Variants in MLIP observed in about 807,000 individuals in gnomAD.
MLIP encodes muscular LMNA interacting protein, also known as muscular LMNA-interacting protein.
In MLIP, 79 loss-of-function variants were observed where a neutral mutation model predicts 84.8. The observed-to-expected ratio is 0.93, with a 90% CI of 0.78 to 1.12. MLIP has a LOEUF of 1.12. MLIP is among the 50% of genes most tolerant of loss of function. The pLI, the probability that MLIP is intolerant of heterozygous loss-of-function variation, is 0.00. For missense variants in MLIP, 1,257 were observed against 1,160.6 expected (o/e 1.08, Z -1.21); for synonymous variants, 504 against 463.0 (o/e 1.09, Z -1.14).
chr6:54,172,094 T>G (rs762001935), intron 9 of MLIP, among the ~76,000 whole-genome samples: 13 of 151,562 alleles, frequency 8.6e-5, no homozygotes, highest in Non-Finnish European at 1.5e-4. Flanking sequence ...AAAAAAAGTT[T>G]TGTTACACTT....
intron 1 of MLIP, among the ~76,000 whole-genome samples, chr6:54,050,503 T>G (rs1765314971): frequency 6.6e-6 from 1 of 152,178 alleles, no homozygotes. Flanking sequence ...CAATGTTAAT[T>G]TGTCTGGATA....
At chr6:54,027,603 T>C (rs17555505) in intron 1 of MLIP, among the ~76,000 whole-genome samples, 55,278 of 152,080 alleles carry the variant, frequency 0.36, 11,088 homozygotes, top group Middle Eastern at 0.56. Flanking sequence ...CGCACAAGTA[T>C]TGCCAAACTC....
At chr6:54,151,866 T>C (rs1170861926) in intron 5 of MLIP, among the ~76,000 whole-genome samples, 2 of 152,172 alleles carry the variant, frequency 1.3e-5, no homozygotes, top group African/African-American at 4.8e-5. Flanking sequence ...TGCAATGAGA[T>C]GTTAAGCTCT....
At chr6:54,215,456 AGTGCTTTC>A in intron 11 of MLIP, 1 of 1,152,978 alleles carries the variant, frequency 8.7e-7, no homozygotes, top group Non-Finnish European at 1.1e-6. Context: ...ATTTTTTCCA[AGTGCTTTC>A]ATCTTTATTG....
At chr6:54,063,351 T>C (rs895891793) in intron 1 of MLIP, 1 of 152,170 alleles carries the variant, frequency 6.6e-6, no homozygotes, top group East Asian at 1.9e-4. Context: ...CACCAGTGTG[T>C]GTGTGTTGGT....
chr6:54,027,392 C>T (rs1319622090), intron 1 of MLIP, among the ~76,000 whole-genome samples: 2 of 112,664 alleles, frequency 1.8e-5, no homozygotes, highest in Non-Finnish European at 4.5e-5. Context: ...CACACACACA[C>T]ACACACACAC....
chr6:54,063,532 G>C (rs1052951560), intron 1 of MLIP, among the ~76,000 whole-genome samples: 2 of 152,106 alleles, frequency 1.3e-5, no homozygotes, highest in African/African-American at 4.8e-5. Flanking sequence ...TAATTTTCTT[G>C]CTTATCCTTT....
Position 54,137,503 on chromosome 6 carries a change from AG to A in MLIP, c.1438del (p.Glu480AsnfsTer7). 1 of 1,536,106 alleles carries A rather than the reference AG, an allele frequency of 6.5e-7. No homozygotes were observed. Among genetic ancestry groups the A allele is most frequent in the Non-Finnish European group, 8.7e-7 (1 of 1,146,908 alleles). ...CSLRAGSPDQ[G>X]ELQVSELTQQ... is the part of the protein sequence containing the mutation. ...CCCTGAGAGCCGGGTCACCAGATCAAGGGGAACTCCAGGTTTCTGAATTGAC... is the reference window on the plus strand; with the variant it reads ...CCCTGAGAGCCGGGTCACCAGATCAAGGGAACTCCAGGTTTCTGAATTGAC... On this transcript the variant is annotated frameshift_variant, in exon 4 of 14. Coordinates refer to ENST00000502396, the MANE Select transcript of MLIP (RefSeq NM_001281747.2). LOFTEE classifies it high-confidence loss of function.
chr6:54,162,431 A>ACCC (rs1774742729), intron 8 of MLIP, among the ~76,000 whole-genome samples: 1 of 152,022 alleles, frequency 6.6e-6, no homozygotes, highest in Non-Finnish European at 1.5e-5. Flanking sequence ...TTAAACCCTT[A>ACCC]TTTGCCATGG....
chr6:54,233,129 C>T (rs1394926659), intron 12 of MLIP, among the ~76,000 whole-genome samples: 1 of 152,180 alleles, frequency 6.6e-6, no homozygotes, highest in Non-Finnish European at 1.5e-5. Flanking sequence ...CTGCCTTCTT[C>T]ACTGCCTTGC....
chr6:54,158,871 TA>T (rs11363736), intron 5 of MLIP, among the ~76,000 whole-genome samples: 113,539 of 150,758 alleles, frequency 0.75, 43,563 homozygotes, highest in Non-Finnish European at 0.85. Context: ...AGAAGTATGA[TA>T]AAAAAAAAAA....
At chr6:54,131,233 C>T (rs1282215300) in intron 3 of MLIP, among the ~76,000 whole-genome samples, 1 of 152,122 alleles carries the variant, frequency 6.6e-6, no homozygotes, top group East Asian at 1.9e-4. Flanking sequence ...GGGTCTCTCA[C>T]CAGGTTGAAA....
chr6:54,034,524 A>G (rs552658204), intron 1 of MLIP, among the ~76,000 whole-genome samples: 3 of 152,162 alleles, frequency 2.0e-5, no homozygotes, highest in Non-Finnish European at 2.9e-5. Context: ...TGTGTTTTTC[A>G]CTTAGTTTAT....
intron 1 of MLIP, among the ~76,000 whole-genome samples, chr6:54,048,152 T>C (rs145219704): frequency 3.9e-5 from 6 of 152,156 alleles, no homozygotes; most frequent in Admixed American, 2.0e-4. Context: ...CTGTTCCCAA[T>C]GGGATGGTGA....
chr6:54,256,490 C>T (rs796294472), intron 12 of MLIP, among the ~76,000 whole-genome samples: 16 of 152,208 alleles, frequency 1.1e-4, no homozygotes, highest in African/African-American at 3.9e-4. Flanking sequence ...TCCTGTCAAA[C>T]TGGATCTGTG....
At chr6:54,098,148 C>CTTTCTTT (rs1239993148) in intron 1 of MLIP, among the ~76,000 whole-genome samples, 261 of 123,828 alleles carry the variant, frequency 2.1e-3, no homozygotes, top group Middle Eastern at 4.4e-3. Context: ...ATTTTTCTTT[C>CTTTCTTT]TTTTTTTTTT....
chr6:54,265,284 A>T lies in MLIP; in HGVS notation c.2977-666A>T, dbSNP rs370860762. 7.2e-4 allele frequency among the ~76,000 whole-genome samples: 109 copies of T among 152,150 alleles called. 3 individuals are homozygous for T. In the South Asian group the frequency reaches 0.021, roughly 30 times the overall value. ...ACTTTCTTTTGTATAATCTGCCTTCACAGTTGCCAATAGCCATCTTCCACT... is the reference window on the plus strand; with the variant it reads ...ACTTTCTTTTGTATAATCTGCCTTCTCAGTTGCCAATAGCCATCTTCCACT... On this transcript the variant is annotated intron_variant, in intron 13 of 13. Coordinates refer to ENST00000502396, the MANE Select transcript of MLIP (RefSeq NM_001281747.2).
rs144301949 is a variant in MLIP at position 54,264,137 on chromosome 6, C to T, written c.2977-1813C>T. 2.1e-3 allele frequency among the ~76,000 whole-genome samples: 323 copies of T among 152,112 alleles called. 2 individuals are homozygous for T. The highest frequency in any genetic ancestry group is 7.4e-3 in the African/African-American group (309 of 41,500). Reference sequence around the variant, plus strand: ...GGAAGAGCTGAGAAATAGTGCTAAGCTTGCTGGCATGGCATCAGAGGATGA... The same window carrying T: ...GGAAGAGCTGAGAAATAGTGCTAAGTTTGCTGGCATGGCATCAGAGGATGA... On this transcript the variant is annotated intron_variant, in intron 13 of 13. Coordinates refer to ENST00000502396, the MANE Select transcript of MLIP (RefSeq NM_001281747.2).
chr6:54,165,592 T>G (rs1181509647), intron 8 of MLIP, among the ~76,000 whole-genome samples: 2 of 151,920 alleles, frequency 1.3e-5, no homozygotes, highest in African/African-American at 2.4e-5. Flanking sequence ...AAACAACTAT[T>G]TTGAAATGTT....
Sources: allele counts gnomAD v4.1 joint callset (sites outside exome capture counted in the v4.1 genomes callset), GRCh38; gene constraint gnomAD v4.1.1; transcripts MANE v1.5; gene names NCBI Gene and HGNC (gene_info 2026-07-23, HGNC 2026-07-21).